The following PYGL variants were observed in gnomAD, a reference collection of about 807,000 sequenced individuals.
The protein encoded by PYGL is glycogen phosphorylase L.
Under a neutral mutation model 100.1 loss-of-function variants are expected in PYGL, and 90 were observed. That is an observed-to-expected ratio of 0.90 (90% CI 0.76 to 1.07). The LOEUF is 1.07. Among genes scored for constraint, PYGL ranks in the 50% least tolerant of loss-of-function variants. The pLI, the probability that PYGL is intolerant of heterozygous loss-of-function variation, is 0.00. For missense variants in PYGL, 1,016 were observed against 1,057.6 expected (o/e 0.96, Z 0.55); for synonymous variants, 373 against 393.0 (o/e 0.95, Z 0.60).
chr14:50,911,761 CAAG>C lies in PYGL; in HGVS notation c.1935_1937del (p.Phe645del). 2 of 1,614,120 alleles carry C rather than the reference CAAG, an allele frequency of 1.2e-6. No homozygotes were observed. Among genetic ancestry groups the C allele is most frequent in the Non-Finnish European group, 1.7e-6 (2 of 1,180,022 alleles). On this transcript the variant is annotated inframe_deletion, in exon 16 of 20. Coordinates refer to ENST00000216392, the MANE Select transcript of PYGL (RefSeq NM_002863.5). Reference sequence around the variant, plus strand: ...CAGCAAGAGATACTCTGTAGTTCTCCAAGAAGATGACTTTCAACTTGCTTCCAA... The same window carrying C: ...CAGCAAGAGATACTCTGTAGTTCTCCAAGATGACTTTCAACTTGCTTCCAA...
At chr14:50,921,995 G>T (rs1050089618) in intron 5 of PYGL, among the ~76,000 whole-genome samples, 3 of 152,200 alleles carry the variant, frequency 2.0e-5, no homozygotes, top group Admixed American at 1.3e-4. Context: ...AGTCTAAGAG[G>T]TAAGCTTTGG....
chr14:50,907,225 C>T (rs79476745), intron 19 of PYGL, among the ~76,000 whole-genome samples: 1,629 of 152,162 alleles, frequency 0.011, 11 homozygotes, highest in Middle Eastern at 0.017. Flanking sequence ...GTATTGTCTT[C>T]CTTATTCTTC....
intron 16 of PYGL, among the ~76,000 whole-genome samples, chr14:50,910,990 T>G (rs7154048): frequency 0.01 from 1,532 of 152,372 alleles, 23 homozygotes; most frequent in African/African-American, 0.035. Flanking sequence ...CCTAGGAACC[T>G]GGCTCTTCTC....
At chr14:50,937,169 G>C (rs1272125177) in intron 2 of PYGL, among the ~76,000 whole-genome samples, 1 of 152,212 alleles carries the variant, frequency 6.6e-6, no homozygotes, top group Non-Finnish European at 1.5e-5. Flanking sequence ...GTATGAAGGT[G>C]CCTGAAGCTC....
intron 17 of PYGL, 51 bp from the exon 18 acceptor site, chr14:50,909,006 G>A (rs1260916761): frequency 6.4e-7 from 1 of 1,552,644 alleles, no homozygotes; most frequent in Non-Finnish European, 8.9e-7. Context: ...TTATTGTGTT[G>A]TGTGATTAAC....
At position 50,913,269 on chromosome 14, in the gene PYGL, AAAG is replaced by A. The variant is rs1206073014; in HGVS notation, c.1519-142_1519-140del. The A allele has an allele frequency of 6.9e-6, 5 of 724,264 alleles. No individual in the cohort carries two copies. In the African/African-American group the frequency reaches 7.0e-5, roughly 10 times the overall value. The allele number at this position is 724,264 out of a possible 1,614,324, so 44.9% of individuals were successfully genotyped here. On this transcript the variant is annotated intron_variant, in intron 12 of 19. Transcript: ENST00000216392. ...CACAGAACATGGGATAGTTTGACTC[AAAG>A]AAGAGTCTATAAAGTCTATGTGAGA...
intron 12 of PYGL, 174 bp from the exon 13 acceptor site, chr14:50,913,304 C>G: frequency 1.9e-6 from 1 of 526,050 alleles, no homozygotes; most frequent in South Asian, 2.5e-5. Flanking sequence ...GAGAAGAACA[C>G]TTTTGCTAGT....
At chr14:50,927,012 C>T (rs138194603) in intron 4 of PYGL, among the ~76,000 whole-genome samples, 156 of 152,142 alleles carry the variant, frequency 1.0e-3, no homozygotes, top group African/African-American at 3.5e-3. Flanking sequence ...AATAGGAAGA[C>T]GATGAGGCAG....
intron 5 of PYGL, chr14:50,921,357 T>G (rs974480590): frequency 1.1e-5 from 4 of 376,638 alleles, no homozygotes; most frequent in South Asian, 3.6e-5. Context: ...ATAAATGCAG[T>G]GGAATGGAAT....
Position 50,944,456 on chromosome 14 carries a change from C to G in PYGL, c.-53G>C, listed in dbSNP as rs945914949. ...CTGCGCAGAGAGCTGGAAGTGCGGC[C>G]GGAGGCGCTGGGCTGCCGGGCAGGG... On this transcript the variant is annotated 5_prime_UTR_variant, in exon 1 of 20. Coordinates refer to ENST00000216392, the MANE Select transcript of PYGL (RefSeq NM_002863.5). 4 of 1,542,114 alleles carry G rather than the reference C, an allele frequency of 2.6e-6. No individual in the cohort carries two copies. The highest frequency in any genetic ancestry group is 2.3e-5 in the South Asian group (2 of 85,252).
intron 13 of PYGL, 28 bp from the exon 14 acceptor site, chr14:50,912,331 C>T (rs368454175): frequency 6.0e-5 from 96 of 1,611,162 alleles, no homozygotes; most frequent in South Asian, 4.3e-4. Context: ...GGTGCCAGAG[C>T]TCTTTTGGCC....
chr14:50,908,101 GT>G (rs796861093), intron 19 of PYGL, 169 bp downstream of exon 19: 12,910 of 428,218 alleles, frequency 0.03, no homozygotes, highest in East Asian at 0.039. Flanking sequence ...AAAAGACAAG[GT>G]TTTTTTTTTT....
In PYGL at chr14:50,911,809, C is replaced by G; in HGVS notation, c.1890G>C (p.Val630=). Residue 630 remains valine (V), a synonymous_variant, in exon 16 of 20, where the codon GTG becomes GTC. Transcript: ENST00000216392. ...IIKLITSVAD[V]VNNDPMVGSK... The stretch of plus-strand genomic sequence containing the variant: ...TTCCAACCATAGGGTCATTGTTCAC[C>G]ACATCTGCCACTGAAGTGATCAGCT... 6.2e-7 allele frequency: 1 copy of G among 1,614,110 alleles called. No individual in the cohort carries two copies.
At chr14:50,944,083 C>T in intron 1 of PYGL, 78 bp downstream of exon 1, 2 of 1,500,172 alleles carry the variant, frequency 1.3e-6, no homozygotes, top group East Asian at 2.4e-5. Context: ...GAGGGGTTCT[C>T]CACCTCGTCC....
At chr14:50,910,484 C>G (rs1261079996) in intron 16 of PYGL, among the ~76,000 whole-genome samples, 2 of 151,716 alleles carry the variant, frequency 1.3e-5, no homozygotes, top group East Asian at 3.9e-4. Flanking sequence ...GGTACAGGGT[C>G]TCTCTCTGTC....
At chr14:50,909,518 C>A (rs182157718) in intron 17 of PYGL, among the ~76,000 whole-genome samples, 1 of 152,162 alleles carries the variant, frequency 6.6e-6, no homozygotes, top group Non-Finnish European at 1.5e-5. Context: ...CATTTTAGTG[C>A]ATTTCTTTGA....
At chr14:50,927,686 G>A (rs551889813) in intron 4 of PYGL, among the ~76,000 whole-genome samples, 4 of 152,202 alleles carry the variant, frequency 2.6e-5, no homozygotes, top group South Asian at 2.1e-4. Context: ...TGAATCTCCC[G>A]CTGATTCAAT....
At chr14:50,912,410 G>A (rs1399362940) in intron 13 of PYGL, 107 bp from the exon 14 acceptor site, 2 of 1,398,060 alleles carry the variant, frequency 1.4e-6, no homozygotes, top group African/African-American at 2.8e-5. Flanking sequence ...CCAGGCTGGA[G>A]TGCAGTGGCA....
chr14:50,937,390 C>G (rs1032840470), intron 2 of PYGL, among the ~76,000 whole-genome samples: 5 of 150,592 alleles, frequency 3.3e-5, no homozygotes, highest in Admixed American at 2.0e-4. Context: ...GAGATAGAAG[C>G]CCAAAGTAAA....
Sources: allele counts gnomAD v4.1 joint callset (sites outside exome capture counted in the v4.1 genomes callset), GRCh38; gene constraint gnomAD v4.1.1; transcripts MANE v1.5; gene names NCBI Gene and HGNC (gene_info 2026-07-23, HGNC 2026-07-21).